ZFPM2: variants seen among roughly 807,000 people sequenced by gnomAD.
ZFPM2 encodes zinc finger protein, FOG family member 2.
ZFPM2 carries 20 observed loss-of-function variants against 98.6 expected under a neutral mutation model. That is an observed-to-expected ratio of 0.20 (90% CI 0.14 to 0.29). The LOEUF (loss-of-function observed/expected upper bound fraction) is 0.29. ZFPM2 is among the 10% of genes least tolerant of loss of function. The pLI, the probability that ZFPM2 is intolerant of heterozygous loss-of-function variation, is 1.00. For synonymous variants in ZFPM2, 518 were observed against 502.7 expected, an observed-to-expected ratio of 1.03 and a Z score of -0.41; for missense variants, 1,310 against 1,388.6, an observed-to-expected ratio of 0.94 and a Z score of 0.90.
chr8:105,696,759 T>C (rs1811027458), intron 5 of ZFPM2, among the ~76,000 whole-genome samples: 2 of 152,206 alleles, frequency 1.3e-5, no homozygotes, highest in Non-Finnish European at 2.9e-5. Context: ...ACTGATAAAC[T>C]ATAAATAATA....
At chr8:105,326,796 G>A (rs1257028180) in intron 1 of ZFPM2, among the ~76,000 whole-genome samples, 1 of 150,934 alleles carries the variant, frequency 6.6e-6, no homozygotes, top group African/African-American at 2.4e-5. Flanking sequence ...TATTTTCATG[G>A]AGGTGACTTG....
chr8:105,368,837 A>G (rs1056797489), intron 1 of ZFPM2, among the ~76,000 whole-genome samples: 1 of 152,128 alleles, frequency 6.6e-6, no homozygotes, highest in African/African-American at 2.4e-5. Flanking sequence ...TGCTCCAGAA[A>G]AATATGTCTC....
intron 4 of ZFPM2, among the ~76,000 whole-genome samples, chr8:105,589,520 C>T (rs944930853): frequency 1.8e-4 from 27 of 152,264 alleles, no homozygotes; most frequent in African/African-American, 6.3e-4. Context: ...ACGGAATGTT[C>T]AAGAGATGTT....
intron 3 of ZFPM2, among the ~76,000 whole-genome samples, chr8:105,537,234 C>T (rs1312254527): frequency 6.6e-6 from 1 of 151,846 alleles, no homozygotes; most frequent in East Asian, 1.9e-4. Flanking sequence ...TATTAGTTAC[C>T]AATTCTTCCT....
chr8:105,442,160 C>T (rs1278026614), intron 2 of ZFPM2, among the ~76,000 whole-genome samples: 4 of 147,780 alleles, frequency 2.7e-5, no homozygotes, highest in Non-Finnish European at 4.4e-5. Flanking sequence ...GGTGAAACCC[C>T]GTCTCTACTA....
At chr8:105,330,006 T>C (rs1812181725) in intron 1 of ZFPM2, among the ~76,000 whole-genome samples, 1 of 151,744 alleles carries the variant, frequency 6.6e-6, no homozygotes, top group South Asian at 2.1e-4. Context: ...AGAACACTTC[T>C]GAGTTTGAAC....
intron 3 of ZFPM2, among the ~76,000 whole-genome samples, chr8:105,533,566 T>C (rs13280496): frequency 0.4 from 60,025 of 151,816 alleles, 12,281 homozygotes; most frequent in African/African-American, 0.51. Context: ...GTTTGTCTTA[T>C]AAGATTAACA....
At chr8:105,479,271 T>C (rs1813070036) in intron 3 of ZFPM2, among the ~76,000 whole-genome samples, 1 of 152,216 alleles carries the variant, frequency 6.6e-6, no homozygotes, top group African/African-American at 2.4e-5. Flanking sequence ...TTCATTTTAT[T>C]TCCCGCTTAC....
intron 1 of ZFPM2, among the ~76,000 whole-genome samples, chr8:105,408,988 A>C (rs975724390): frequency 6.6e-6 from 1 of 151,878 alleles, no homozygotes; most frequent in African/African-American, 2.4e-5. Context: ...TGGTTTGTGC[A>C]TGAACCTGAT....
chr8:105,549,524 T>C (rs1814794849), intron 3 of ZFPM2, among the ~76,000 whole-genome samples: 1 of 102,896 alleles, frequency 9.7e-6, no homozygotes, highest in African/African-American at 3.9e-5. Context: ...CCCATCTTCC[T>C]TCCTTCCTTC....
intron 1 of ZFPM2, among the ~76,000 whole-genome samples, chr8:105,352,664 T>C (rs1306846541): frequency 6.6e-6 from 1 of 152,046 alleles, no homozygotes; most frequent in Non-Finnish European, 1.5e-5. Context: ...AAAATAAGAC[T>C]CAGAAGTTTG....
intron 2 of ZFPM2, among the ~76,000 whole-genome samples, chr8:105,425,049 T>G (rs930671684): frequency 6.6e-5 from 10 of 152,148 alleles, no homozygotes; most frequent in African/African-American, 1.9e-4. Context: ...GAGTCAAGTC[T>G]GCAGTACCTA....
At chr8:105,359,367 C>CTTTTTTTTTTTTTTTTTTTTTTT (rs111675257) in intron 1 of ZFPM2, among the ~76,000 whole-genome samples, 1 of 135,358 alleles carries the variant, frequency 7.4e-6, no homozygotes, top group Non-Finnish European at 1.6e-5. Flanking sequence ...CTTTTTCTTT[C>CTTTTTTTTTTTTTTTTTTTTTTT]TTTTTTTTTT....
At chr8:105,625,270 T>C (rs548174650) in intron 4 of ZFPM2, among the ~76,000 whole-genome samples, 1 of 151,988 alleles carries the variant, frequency 6.6e-6, no homozygotes, top group South Asian at 2.1e-4. Flanking sequence ...AATGCAACTT[T>C]GATAATGTTT....
chr8:105,422,176 G>A (rs533743287), intron 2 of ZFPM2, among the ~76,000 whole-genome samples: 9 of 151,726 alleles, frequency 5.9e-5, no homozygotes, highest in African/African-American at 1.5e-4. Context: ...GATGGCTGAC[G>A]CCTGTAATCC....
chr8:105,487,921 TCTATCTATCTAGCTAG>T (rs1307950875), intron 3 of ZFPM2, among the ~76,000 whole-genome samples: 46 of 102,088 alleles, frequency 4.5e-4, no homozygotes, highest in Admixed American at 2.2e-3. Context: ...TATCTATCTA[TCTATCTATCTAGCTAG>T]CTAGCTAGCT....
chr8:105,446,595 T>G (rs1381424924), intron 3 of ZFPM2, among the ~76,000 whole-genome samples: 1 of 152,132 alleles, frequency 6.6e-6, no homozygotes, highest in East Asian at 1.9e-4. Flanking sequence ...AATTTTCCAT[T>G]TTCGTTTAAA....
At chr8:105,435,016 A>C (rs144190345) in intron 2 of ZFPM2, among the ~76,000 whole-genome samples, 8 of 152,284 alleles carry the variant, frequency 5.3e-5, no homozygotes, top group Non-Finnish European at 7.4e-5. Flanking sequence ...TGCTTTTACT[A>C]TCTTACCAAC....
intron 5 of ZFPM2, among the ~76,000 whole-genome samples, chr8:105,772,930 A>G (rs1813013405): frequency 6.6e-6 from 1 of 152,158 alleles, no homozygotes; most frequent in Non-Finnish European, 1.5e-5. Flanking sequence ...TGACATGGGC[A>G]CGTGAGTTGA....
Sources: allele counts gnomAD v4.1 joint callset (sites outside exome capture counted in the v4.1 genomes callset), GRCh38; gene constraint gnomAD v4.1.1; transcripts MANE v1.5; gene names NCBI Gene and HGNC (gene_info 2026-07-23, HGNC 2026-07-21).